RRP1B: variants seen among roughly 807,000 people sequenced by gnomAD.
RRP1B encodes the protein ribosomal RNA processing 1B.
RRP1B carries 56 observed loss-of-function variants against 80.2 expected under a neutral mutation model. The observed-to-expected ratio is 0.70, with a 90% CI of 0.56 to 0.87. The LOEUF is 0.87. RRP1B is among the 40% of genes least tolerant of loss of function. RRP1B has a pLI of 0.00. For missense variants in RRP1B, 807 were observed against 939.8 expected (o/e 0.86, Z 1.85); for synonymous variants, 351 against 357.6 (o/e 0.98, Z 0.21).
chr21:43,692,656 C>T (rs571574168), intron 15 of RRP1B, among the ~76,000 whole-genome samples: 2 of 151,350 alleles, frequency 1.3e-5, no homozygotes, highest in Non-Finnish European at 2.9e-5. Context: ...TTGTTGGGAA[C>T]TGCAAGTAAT....
rs1601760642 is a variant in RRP1B at position 43,687,510 on chromosome 21, T to G, written c.1142-6T>G. 2.7e-6 allele frequency: 4 copies of G among 1,477,828 alleles called. No homozygotes were observed. The Admixed American group carries it at 9.2e-5, about 34-fold the overall frequency. 91.5% of individuals were successfully genotyped at this position (1,477,828 alleles called of 1,614,324 possible). On this transcript the variant is annotated splice_region_variant and splice_polypyrimidine_tract_variant and intron_variant, in intron 12 of 15. Transcript: ENST00000340648. ...GGTGCTTGTTGATGGGTTTCTGTCT[T>G]TTTAGGAAGCAGAGTCTTTTGTGTA... is the stretch of plus-strand genomic sequence containing the variant.
In RRP1B at chr21:43,675,267, T is replaced by C. The variant is rs575171105; in HGVS notation, c.549+104T>C. ...GGTGGCCCTTCGCATGACCAGCGAC[T>C]GTAGCAGCGTGAATTGCTTCAGTCC... On this transcript the variant is annotated intron_variant, in intron 6 of 15. Coordinates refer to ENST00000340648, the MANE Select transcript of RRP1B (RefSeq NM_015056.3). 7 of 1,065,032 alleles carry C rather than the reference T, an allele frequency of 6.6e-6. No individual in the cohort carries two copies. In the South Asian group the frequency reaches 1.0e-4, roughly 15 times the overall value. 66.0% of individuals were successfully genotyped at this position (1,065,032 alleles called of 1,614,324 possible).
chr21:43,670,219 G>T (rs2082994208), intron 2 of RRP1B, among the ~76,000 whole-genome samples: 1 of 152,216 alleles, frequency 6.6e-6, no homozygotes, highest in Admixed American at 6.5e-5. Context: ...AATTTCATAG[G>T]TTCCATGCTA....
Position 43,659,936 on chromosome 21 carries a change from A to C in RRP1B, c.130+142A>C. ...TGTGCTTCGGTTTCCGCGCTGCCGG[A>C]ACCGCTTCTTGCTGTGTCTAGTGCC... On this transcript the variant is annotated intron_variant, in intron 1 of 15. Coordinates refer to ENST00000340648, the MANE Select transcript of RRP1B (RefSeq NM_015056.3). This position sits in a 1 kb window ranked among gnomAD's most constrained non-coding sequence, Gnocchi z 4.2. The C allele has an allele frequency of 1.0e-6, 1 of 964,832 alleles. No homozygotes were observed. Among genetic ancestry groups the C allele is most frequent in the Non-Finnish European group, 1.4e-6 (1 of 709,468 alleles). The allele number at this position is 964,832 out of a possible 1,614,324, so 59.8% of individuals were successfully genotyped here.
At position 43,691,345 on chromosome 21, in the gene RRP1B, A is replaced by G. The variant is rs1254510863; in HGVS notation, c.2020-94A>G. The G allele has an allele frequency of 3.4e-6, 4 of 1,161,276 alleles. No individual in the cohort carries two copies. The East Asian group carries it at 9.6e-5, about 28-fold the overall frequency. The allele number at this position is 1,161,276 out of a possible 1,614,324, so 71.9% of individuals were successfully genotyped here. The stretch of plus-strand genomic sequence containing the variant: ...CTCAGTAAGCAGCAGTGTGGGCGGC[A>G]TACCCTCCAGGGCAGGTTCTCCAGA... On this transcript the variant is annotated intron_variant, in intron 14 of 15. Transcript: ENST00000340648. This position sits in a 1 kb window ranked among gnomAD's most constrained non-coding sequence, Gnocchi z 4.2.
intron 13 of RRP1B, 42 bp from the exon 14 acceptor site, chr21:43,690,246 T>C: frequency 2.5e-6 from 4 of 1,606,292 alleles, no homozygotes; most frequent in Non-Finnish European, 3.4e-6. Context: ...GGAGGCTCTG[T>C]CGTCTGACCC....
In RRP1B at chr21:43,695,794, C is replaced by T. The variant is rs2083104930; in HGVS notation, c.*2411C>T. ...GCTTCCCCCTTCTCCATGGTCTAGT[C>T]AATTTTGTACAATTAGGTATCTGAC... On this transcript the variant is annotated 3_prime_UTR_variant, in exon 16 of 16. Transcript: ENST00000340648. 1 of 152,156 alleles carries T rather than the reference C, an allele frequency of 6.6e-6. No homozygotes were observed. The highest frequency in any genetic ancestry group is 2.1e-4 in the South Asian group (1 of 4,836). 9.4% of individuals were successfully genotyped at this position (152,156 alleles called of 1,614,324 possible).
chr21:43,670,905 C>T (rs912918383), intron 2 of RRP1B, among the ~76,000 whole-genome samples: 4 of 152,098 alleles, frequency 2.6e-5, no homozygotes, highest in Non-Finnish European at 5.9e-5. Flanking sequence ...TCCCGTGCTG[C>T]GTAATAACTT....
intron 8 of RRP1B, among the ~76,000 whole-genome samples, chr21:43,680,868 T>C (rs1335546892): frequency 4.6e-5 from 7 of 152,174 alleles, no homozygotes; most frequent in Non-Finnish European, 1.0e-4. Context: ...TAGTTAGCTG[T>C]AGGTGGCAGA....
At chr21:43,676,466 C>T (rs1197798444) in intron 7 of RRP1B, 130 bp downstream of exon 7, 2 of 762,214 alleles carry the variant, frequency 2.6e-6, no homozygotes, top group Admixed American at 2.5e-5. Flanking sequence ...AGAAGACAGC[C>T]GAAGCTTTGA....
intron 6 of RRP1B, among the ~76,000 whole-genome samples, chr21:43,675,453 G>A (rs2083017988): frequency 6.6e-6 from 1 of 152,138 alleles, no homozygotes; most frequent in Non-Finnish European, 1.5e-5. Context: ...GCTTTATAAA[G>A]CGCTAGGAAA....
In RRP1B at chr21:43,690,281, C is replaced by T. The variant is rs1331869561; in HGVS notation, c.1867-7C>T. The T allele has an allele frequency of 6.2e-6, 10 of 1,613,852 alleles. No homozygotes were observed. In the African/African-American group the frequency reaches 8.0e-5, roughly 13 times the overall value. On this transcript the variant is annotated splice_polypyrimidine_tract_variant and splice_region_variant and intron_variant, in intron 13 of 15. Coordinates refer to ENST00000340648, the MANE Select transcript of RRP1B (RefSeq NM_015056.3). ...CCTCCTCCGCTTCTCACCCCTCGCT[C>T]ACGTAGGGAAGCAGTGGGACTTGCA...
chr21:43,685,027 G>C (rs8131027), intron 10 of RRP1B, among the ~76,000 whole-genome samples: 76,297 of 151,894 alleles, frequency 0.5, 20,582 homozygotes, highest in East Asian at 0.72. Flanking sequence ...ATATGGCTAT[G>C]CCAAAAGTGT....
At chr21:43,663,765 A>G (rs1601750106) in intron 1 of RRP1B, among the ~76,000 whole-genome samples, 1 of 145,114 alleles carries the variant, frequency 6.9e-6, no homozygotes, top group Non-Finnish European at 1.5e-5. Context: ...TCACTCTATG[A>G]TGGCCAGGCT....
chr21:43,669,997 G>C (rs1568955345), intron 2 of RRP1B, 31 bp downstream of exon 2: 2 of 1,508,254 alleles, frequency 1.3e-6, no homozygotes, highest in Non-Finnish European at 1.8e-6. Context: ...CATGCTCCCG[G>C]GTTCTTGCTG....
In RRP1B at chr21:43,684,654, A is replaced by G. The variant is rs1251201307; in HGVS notation, c.989+4A>G. The stretch of plus-strand genomic sequence containing the variant: ...GCCTCTCCAAACTCATCAAGAAGTC[A>G]GTAACTGGGGAGAGGGTTCTGACAT... On this transcript the variant is annotated splice_donor_region_variant and intron_variant, in intron 10 of 15. Transcript: ENST00000340648. The G allele has an allele frequency of 2.5e-6, 4 of 1,611,502 alleles. No homozygotes were observed. Among genetic ancestry groups the G allele is most frequent in the Admixed American group, 1.7e-5 (1 of 60,006 alleles).
intron 15 of RRP1B, among the ~76,000 whole-genome samples, chr21:43,692,009 G>T (rs2083088795): frequency 6.6e-6 from 1 of 152,130 alleles, no homozygotes; most frequent in Non-Finnish European, 1.5e-5. Flanking sequence ...TCCTCAAAGG[G>T]CTGTGAGTGG....
chr21:43,665,151 C>T (rs2082973641), intron 1 of RRP1B, among the ~76,000 whole-genome samples: 1 of 152,246 alleles, frequency 6.6e-6, no homozygotes, highest in Non-Finnish European at 1.5e-5. Context: ...ATAGCAGATG[C>T]TAGGCAGACC....
intron 14 of RRP1B, 24 bp downstream of exon 14, chr21:43,690,464 A>G (rs369659540): frequency 6.2e-7 from 1 of 1,610,894 alleles, no homozygotes; most frequent in Non-Finnish European, 8.5e-7. Context: ...CCAGAGTGGC[A>G]CAGCACATTT....
Sources: allele counts gnomAD v4.1 joint callset (sites outside exome capture counted in the v4.1 genomes callset), GRCh38; gene constraint gnomAD v4.1.1; non-coding constraint Gnocchi (gnomAD v3.1); transcripts MANE v1.5; gene names NCBI Gene and HGNC (gene_info 2026-07-23, HGNC 2026-07-21).